Variants in HK1 observed in about 807,000 individuals in gnomAD.
HK1 encodes hexokinase-1.
Under a neutral mutation model 91.6 loss-of-function variants are expected in HK1, and 28 were observed. That is an observed-to-expected ratio of 0.31 (90% CI 0.23 to 0.42). The LOEUF (loss-of-function observed/expected upper bound fraction) is 0.42. Among genes scored for constraint, HK1 ranks in the 10% least tolerant of loss-of-function variants. HK1 has a pLI of 1.00. For missense variants in HK1, 770 were observed against 1,219.8 expected (o/e 0.63, Z 5.49); for synonymous variants, 430 against 468.1 (o/e 0.92, Z 1.05).
intron 2 of HK1, among the ~76,000 whole-genome samples, chr10:69,351,786 T>C (rs1848889025): frequency 1.3e-5 from 2 of 152,154 alleles, no homozygotes; most frequent in South Asian, 4.1e-4. Context: ...CTTTACTTGC[T>C]CATCTGTAGA....
At chr10:69,362,845 T>G (rs1564542387) in intron 3 of HK1, among the ~76,000 whole-genome samples, 1 of 152,204 alleles carries the variant, frequency 6.6e-6, no homozygotes, top group East Asian at 1.9e-4. Context: ...CTTAGCCGGC[T>G]TCTCTGGGGA....
chr10:69,274,603 AC>A (rs1437438104), intron 1 of HK1, among the ~76,000 whole-genome samples: 1 of 151,300 alleles, frequency 6.6e-6, no homozygotes, highest in Non-Finnish European at 1.5e-5. Flanking sequence ...AAAAAAAAAA[AC>A]AGTTTCAAAT....
At chr10:69,359,451 T>C (rs992511686) in intron 2 of HK1, among the ~76,000 whole-genome samples, 5 of 152,126 alleles carry the variant, frequency 3.3e-5, no homozygotes, top group Non-Finnish European at 5.9e-5. Context: ...CCTGGAATAA[T>C]TGATGTCAGA....
At chr10:69,314,373 G>A (rs1846534494), upstream of HK1, among the ~76,000 whole-genome samples, 1 of 152,104 alleles carries the variant, frequency 6.6e-6, no homozygotes, top group Non-Finnish European at 1.5e-5. Flanking sequence ...AAGCTCCCTA[G>A]GTGGCTTTGG....
At chr10:69,391,793 G>A (rs1011134189) in intron 14 of HK1, among the ~76,000 whole-genome samples, 5 of 152,164 alleles carry the variant, frequency 3.3e-5, no homozygotes, top group Admixed American at 6.5e-5. Flanking sequence ...CTTCTGGTCT[G>A]AATGTTGCCT....
chr10:69,325,341 A>G (rs970194113), intron 1 of HK1, among the ~76,000 whole-genome samples: 10 of 149,584 alleles, frequency 6.7e-5, no homozygotes, highest in South Asian at 2.1e-4. Context: ...GTGAGCCACC[A>G]CACCCGGCCA....
intron 5 of HK1, among the ~76,000 whole-genome samples, chr10:69,304,698 G>C (rs1203964522): frequency 6.6e-6 from 1 of 152,214 alleles, no homozygotes; most frequent in Non-Finnish European, 1.5e-5. Context: ...GAGGTTAAAA[G>C]CAAGATGGAG....
chr10:69,396,599 G>A (rs924535323), intron 16 of HK1, among the ~76,000 whole-genome samples: 2 of 146,758 alleles, frequency 1.4e-5, no homozygotes, highest in Non-Finnish European at 1.5e-5. Context: ...TACAGCATTT[G>A]TCCTTTGTGA....
chr10:69,315,071 C>T (rs1422580118), upstream of HK1, among the ~76,000 whole-genome samples: 1 of 152,214 alleles, frequency 6.6e-6, no homozygotes, highest in African/African-American at 2.4e-5. Flanking sequence ...AAGAAAAAAA[C>T]CAAAACACCC....
intron 13 of HK1, among the ~76,000 whole-genome samples, chr10:69,387,865 C>G (rs1490987137): frequency 8.4e-6 from 1 of 119,144 alleles, no homozygotes; most frequent in East Asian, 2.7e-4. Context: ...CAGTAAGAGA[C>G]TGTTTTAAAT....
intron 3 of HK1, among the ~76,000 whole-genome samples, chr10:69,360,967 G>A (rs146409707): frequency 2.6e-5 from 4 of 152,328 alleles, no homozygotes; most frequent in South Asian, 2.1e-4. Flanking sequence ...TGTGCTCACC[G>A]CAAGGTTCAT....
At chr10:69,312,361 T>A (rs960317654), upstream of HK1, among the ~76,000 whole-genome samples, 2 of 152,084 alleles carry the variant, frequency 1.3e-5, no homozygotes, top group Admixed American at 1.3e-4. Flanking sequence ...CTAAGCCTCC[T>A]GAGTAGCTGG....
chr10:69,311,621 C>T (rs373866472), upstream of HK1, among the ~76,000 whole-genome samples: 4 of 152,240 alleles, frequency 2.6e-5, no homozygotes, highest in South Asian at 8.3e-4. Flanking sequence ...TTAACCCTTC[C>T]TCCTCCAGGA....
At chr10:69,400,847 T>G in intron 17 of HK1, 144 bp from the exon 18 acceptor site, 1 of 859,812 alleles carries the variant, frequency 1.2e-6, no homozygotes, top group South Asian at 1.4e-5. Context: ...CCGATGCTTA[T>G]GTCCTGATAA....
At chr10:69,318,820 G>A (rs1372890801), upstream of HK1, 6 of 1,426,084 alleles carry the variant, frequency 4.2e-6, no homozygotes, top group African/African-American at 6.0e-5. Flanking sequence ...GCCCCGGGCC[G>A]AGGGGGAGGA....
At position 69,349,382 on chromosome 10, in the gene HK1, G is replaced by A. The variant is rs144247623; in HGVS notation, c.226+5393G>A. 5.3e-5 allele frequency among the ~76,000 whole-genome samples: 8 copies of A among 152,274 alleles called. No individual in the cohort carries two copies. The East Asian group carries it at 1.5e-3, about 29-fold the overall frequency. On this transcript the variant is annotated intron_variant, in intron 2 of 17. Coordinates refer to ENST00000359426, the MANE Select transcript of HK1 (RefSeq NM_000188.3). ...GTCTTTGGAAACTGCAAACCACCGTGAGTTATGGTGCGTCATCGTCATCCT... is the reference window on the plus strand; with the variant it reads ...GTCTTTGGAAACTGCAAACCACCGTAAGTTATGGTGCGTCATCGTCATCCT...
chr10:69,353,618 CA>C (rs71471542), intron 2 of HK1, among the ~76,000 whole-genome samples: 213 of 116,730 alleles, frequency 1.8e-3, no homozygotes, highest in East Asian at 2.3e-3. Flanking sequence ...CAAACAAAAC[CA>C]AAAAAAAAAA....
At chr10:69,338,635 G>T (rs1319672599) in intron 1 of HK1, 1 of 1,288,412 alleles carries the variant, frequency 7.8e-7, no homozygotes, top group South Asian at 1.2e-5. Flanking sequence ...CAGCGGTGAT[G>T]TGGAGGCAGC....
chr10:69,352,027 C>G (rs1229858439), intron 2 of HK1, among the ~76,000 whole-genome samples: 1 of 149,972 alleles, frequency 6.7e-6, no homozygotes, highest in Non-Finnish European at 1.5e-5. Context: ...GAGTCTTGCT[C>G]TGTTGCCCAG....
Sources: gnomAD v4.1 joint callset for allele counts (sites outside exome capture counted in the v4.1 genomes callset) on GRCh38, gnomAD v4.1.1 for gene constraint, MANE v1.5 for transcripts, NCBI Gene and HGNC (gene_info 2026-07-23, HGNC 2026-07-21) for gene names.